The following NAXD variants were observed in gnomAD, a reference collection of about 807,000 sequenced individuals.
The protein encoded by NAXD is NAD(P)HX dehydratase.
In NAXD, 22 loss-of-function variants were observed where a neutral mutation model predicts 35.8. That is an observed-to-expected ratio of 0.62 (90% confidence interval 0.44 to 0.88). NAXD has a LOEUF of 0.88. Ranked by LOEUF, NAXD falls within the 40% of genes least tolerant of loss-of-function variation. The pLI is 0.00. For synonymous variants in NAXD, 189 were observed against 177.6 expected (o/e 1.06, Z -0.51); for missense variants, 428 against 437.7 (o/e 0.98, Z 0.20).
chr13:110,624,179 A>T, intron 2 of NAXD, 55 bp from the exon 3 acceptor site: 2 of 965,608 alleles, frequency 2.1e-6, no homozygotes, highest in Non-Finnish European at 3.3e-6. Flanking sequence ...TTTATTGATC[A>T]AGGTATGCTT....
Position 110,638,740 on chromosome 13 carries a change from T to A in NAXD, c.*212T>A. 2.8e-6 allele frequency: 2 copies of A among 705,862 alleles called. No individual in the cohort carries two copies. Among genetic ancestry groups the A allele is most frequent in the Non-Finnish European group, 5.1e-6 (2 of 389,902 alleles). 43.7% of individuals were successfully genotyped at this position (705,862 alleles called of 1,614,324 possible). A position where few individuals can be genotyped will look rare whatever the true frequency, so the allele number is the denominator to read the frequency against. The stretch of plus-strand genomic sequence containing the variant: ...ATGGTTGGAGATGTTATGGCGACAC[T>A]AAACAAAGTATTCCTGAACTTTCCT... On this transcript the variant is annotated 3_prime_UTR_variant, in exon 10 of 10. Transcript: ENST00000680254. This position sits in a 1 kb window ranked among gnomAD's most constrained non-coding sequence, Gnocchi z 5.4.
In NAXD at chr13:110,638,605, C is replaced by G; in HGVS notation, c.*77C>G. ...TGTGATGGGAAAATCCGGACCCACG[C>G]GTGTGCTGAAGGCGTACGGTGCTTG... On this transcript the variant is annotated 3_prime_UTR_variant, in exon 10 of 10. Coordinates refer to ENST00000680254, the MANE Select transcript of NAXD (RefSeq NM_001242882.2). The surrounding 1 kb of genome is among the most constrained non-coding windows in gnomAD (Gnocchi z 5.4). The G allele has an allele frequency of 6.5e-7, 1 of 1,541,202 alleles. No individual in the cohort carries two copies. Among genetic ancestry groups the G allele is most frequent in the South Asian group, 1.1e-5 (1 of 89,394 alleles).
In NAXD at chr13:110,615,570, C is replaced by CG; in HGVS notation, c.-27dup. 2.2e-6 allele frequency: 3 copies of CG among 1,337,140 alleles called. No homozygotes were observed. The highest frequency in any genetic ancestry group is 1.8e-5 in the South Asian group (1 of 55,020). The allele number at this position is 1,337,140 out of a possible 1,614,324, so 82.8% of individuals were successfully genotyped here. ...AATGGCTGTGTTTCCGGCGACGGCG[C>CG]GGGGGCAGCTGGGAATCCGGAATGC... On this transcript the variant is annotated 5_prime_UTR_variant, in exon 1 of 10. Coordinates refer to ENST00000680254, the MANE Select transcript of NAXD (RefSeq NM_001242882.2).
chr13:110,636,962 C>T (rs910151324), intron 8 of NAXD, among the ~76,000 whole-genome samples, 167 bp from the exon 9 acceptor site: 5 of 152,264 alleles, frequency 3.3e-5, no homozygotes, highest in Admixed American at 3.3e-4. Context: ...GCCTCCAACC[C>T]TTGGAACAAA....
Position 110,615,618 on chromosome 13 carries a change from G to A in NAXD, c.17G>A (p.Arg6His). 1 of 1,463,180 alleles carries A rather than the reference G, an allele frequency of 6.8e-7. No individual in the cohort carries two copies. Among genetic ancestry groups the A allele is most frequent in the East Asian group, 3.0e-5 (1 of 33,610 alleles). 90.6% of individuals were successfully genotyped at this position (1,463,180 alleles called of 1,614,324 possible). A position where few individuals can be genotyped will look rare whatever the true frequency, so the allele number is the denominator to read the frequency against. The change falls in exon 1 of 10, where the codon CGC becomes CAC. Residue 6 changes from arginine (R) to histidine (H), a missense_variant. Physicochemically the swap from Arg to His is conservative, Grantham distance 29. Transcript: ENST00000680254. MALGP[R>H]CGAIRACRRV... ...TGCTGCCCGATGGCCCTGGGTCCTC[G>A]CTGTGGGGCAATCCGGGCTTGCAGA... is the stretch of plus-strand genomic sequence containing the variant.
rs147247524 is a variant in NAXD at position 110,637,009 on chromosome 13, C to G, written c.719-120C>G. 78 of 1,167,088 alleles carry G rather than the reference C, an allele frequency of 6.7e-5. No individual in the cohort carries two copies. The African/African-American group carries it at 1.1e-3, about 17-fold the overall frequency. 72.3% of individuals were successfully genotyped at this position (1,167,088 alleles called of 1,614,324 possible). ...CGTAGCAGGCAGGATGTGAGTGGAGCCTCAGGCTGCTCCTGGAGGGTGTGG... is the reference window on the plus strand; with the variant it reads ...CGTAGCAGGCAGGATGTGAGTGGAGGCTCAGGCTGCTCCTGGAGGGTGTGG... On this transcript the variant is annotated intron_variant, in intron 8 of 9. Transcript: ENST00000680254.
Position 110,638,707 on chromosome 13 carries a change from C to A in NAXD, c.*179C>A. The A allele has an allele frequency of 1.3e-6, 1 of 753,986 alleles. No individual in the cohort carries two copies. The highest frequency in any genetic ancestry group is 2.3e-6 in the Non-Finnish European group (1 of 432,702). The allele number at this position is 753,986 out of a possible 1,614,324, so 46.7% of individuals were successfully genotyped here. On this transcript the variant is annotated 3_prime_UTR_variant, in exon 10 of 10. Transcript: ENST00000680254. This position sits in a 1 kb window ranked among gnomAD's most constrained non-coding sequence, Gnocchi z 5.4. ...TGGAATATTGCAGCTTTTGGTTAAA[C>A]TTAATGCATGGTTGGAGATGTTATG...
chr13:110,627,651 T>A, intron 5 of NAXD, 104 bp downstream of exon 5: 1 of 748,132 alleles, frequency 1.3e-6, no homozygotes, highest in Non-Finnish European at 2.3e-6. Flanking sequence ...TCCGTGTGCC[T>A]CTTTGTGGCA....
Position 110,622,378 on chromosome 13 carries a change from A to G in NAXD, c.197+12A>G, listed in dbSNP as rs1489073162. ...GGAGGCTGTCAGGAGTAAGTAGCTGATGTGCAGTGTTGGTGTTTAAAAAGT... is the reference window on the plus strand; with the variant it reads ...GGAGGCTGTCAGGAGTAAGTAGCTGGTGTGCAGTGTTGGTGTTTAAAAAGT... On this transcript the variant is annotated intron_variant, in intron 2 of 9. Coordinates refer to ENST00000680254, the MANE Select transcript of NAXD (RefSeq NM_001242882.2). The G allele has an allele frequency of 6.2e-7, 1 of 1,613,782 alleles. No homozygotes were observed. The highest frequency in any genetic ancestry group is 1.1e-5 in the South Asian group (1 of 91,040).
At chr13:110,615,534 A>T, upstream of NAXD, 1 of 1,320,404 alleles carries the variant, frequency 7.6e-7, no homozygotes, top group African/African-American at 1.5e-5. Context: ...GGGAAACCGG[A>T]AAACGCTTCC....
chr13:110,622,120 G>A (rs441805), intron 1 of NAXD, 96 bp from the exon 2 acceptor site: 282,119 of 969,606 alleles, frequency 0.29, 43,985 homozygotes, highest in African/African-American at 0.49. Context: ...TATAGCATTC[G>A]TAATAACTTT....
At chr13:110,618,509 C>G (rs926956835) in intron 1 of NAXD, among the ~76,000 whole-genome samples, 1 of 152,182 alleles carries the variant, frequency 6.6e-6, no homozygotes, top group Admixed American at 6.5e-5. Context: ...TGTTTTCTTC[C>G]TAGCTATGAT....
At chr13:110,632,432 G>C (rs1281097442) in intron 5 of NAXD, among the ~76,000 whole-genome samples, 1 of 152,150 alleles carries the variant, frequency 6.6e-6, no homozygotes, top group African/African-American at 2.4e-5. Flanking sequence ...ATGCTGGCTC[G>C]GGCAGCCTGC....
rs1245731107 is a variant in NAXD at position 110,635,506 on chromosome 13, T to C, written c.636T>C (p.Ser212=). ...TGGACAGCGATGACAGCCATGGATC[T>C]GTGCTAAGACTCAGCCAAGCCCTGG... is the stretch of plus-strand genomic sequence containing the variant. ...GPMDSDDSHG[S]VLRLSQALGN... Residue 212 remains serine (S), a synonymous_variant, in exon 8 of 10, where the codon TCT becomes TCC. Transcript: ENST00000680254. 1.9e-6 allele frequency: 3 copies of C among 1,614,044 alleles called. No homozygotes were observed. The African/African-American group carries it at 4.0e-5, about 22-fold the overall frequency.
At position 110,638,620 on chromosome 13, in the gene NAXD, T is replaced by C. The variant is rs41275128; in HGVS notation, c.*92T>C. 0.14 allele frequency: 204,191 copies of C among 1,416,056 alleles called. 15,586 individuals carry two copies. Among genetic ancestry groups the C allele is most frequent in the African/African-American group, 0.25 (17,429 of 71,082 alleles). 87.7% of individuals were successfully genotyped at this position (1,416,056 alleles called of 1,614,324 possible). ...CGGACCCACGCGTGTGCTGAAGGCG[T>C]ACGGTGCTTGCCAGATTTTCAACTT... On this transcript the variant is annotated 3_prime_UTR_variant, in exon 10 of 10. Transcript: ENST00000680254. This position sits in a 1 kb window ranked among gnomAD's most constrained non-coding sequence, Gnocchi z 5.4.
At chr13:110,632,915 G>T (rs1333262994) in intron 5 of NAXD, among the ~76,000 whole-genome samples, 2 of 152,080 alleles carry the variant, frequency 1.3e-5, no homozygotes, top group African/African-American at 2.4e-5. Context: ...CCCTGAGCTA[G>T]ATATAAAGAC....
intron 2 of NAXD, 37 bp from the exon 3 acceptor site, chr13:110,624,197 T>G (rs767065365): frequency 1.5e-6 from 2 of 1,365,448 alleles, no homozygotes; most frequent in Admixed American, 3.6e-5. Flanking sequence ...CTTACCTTAT[T>G]CTCAGAAGTT....
At chr13:110,619,514 A>C (rs1388554796) in intron 1 of NAXD, among the ~76,000 whole-genome samples, 2 of 152,208 alleles carry the variant, frequency 1.3e-5, no homozygotes, top group Admixed American at 6.5e-5. Context: ...CTGTGATTTC[A>C]TAAGTCACAA....
At chr13:110,624,381 A>G (rs1886381089) in intron 3 of NAXD, 102 bp downstream of exon 3, 2 of 575,162 alleles carry the variant, frequency 3.5e-6, no homozygotes, top group Non-Finnish European at 5.8e-6. Context: ...TCTAAATAAT[A>G]TCTTAGGGTA....
Sources: gnomAD v4.1 joint callset for allele counts (sites outside exome capture counted in the v4.1 genomes callset) on GRCh38, gnomAD v4.1.1 for gene constraint, Gnocchi (gnomAD v3.1) non-coding constraint, MANE v1.5 for transcripts, NCBI Gene and HGNC (gene_info 2026-07-23, HGNC 2026-07-21) for gene names.